The following GLP2R variants were observed in gnomAD, a reference collection of about 807,000 sequenced individuals.
The protein encoded by GLP2R is glucagon-like peptide 2 receptor.
GLP2R carries 59 observed loss-of-function variants against 68.2 expected under a neutral mutation model. That is an observed-to-expected ratio of 0.87 (90% CI 0.70 to 1.07). The LOEUF (loss-of-function observed/expected upper bound fraction) is 1.07, where lower values mean the gene tolerates loss of function less well. Ranked by LOEUF, GLP2R falls within the 50% of genes least tolerant of loss-of-function variation. GLP2R has a pLI of 0.00. For missense variants in GLP2R, 548 were observed against 677.4 expected, an observed-to-expected ratio of 0.81 and a Z score of 2.12; for synonymous variants, 270 against 265.4, an observed-to-expected ratio of 1.02 and a Z score of -0.17.
In GLP2R at chr17:9,854,600, C is replaced by T. The variant is rs760636079; in HGVS notation, c.610C>T (p.Arg204Ter). Residue 204 changes from arginine to a stop codon, truncating the protein, a stop_gained and splice_region_variant, in exon 5 of 13, where the codon CGA becomes TGA. Coordinates refer to ENST00000262441, the MANE Select transcript of GLP2R (RefSeq NM_004246.3). LOFTEE classifies it high-confidence loss of function. ...FLALTLLLFL[R>*]KLHCTRNYIH... ...GGCTCTCACCCTCCTCTTGTTTCTT[C>T]GGTGAGTAGAACTTCTGCAGGCATG... 1.2e-5 allele frequency: 19 copies of T among 1,547,872 alleles called. No individual in the cohort carries two copies. The highest frequency in any genetic ancestry group is 2.7e-5 in the African/African-American group (2 of 73,646).
At chr17:9,861,733 T>C (rs1038526416) in intron 8 of GLP2R, among the ~76,000 whole-genome samples, 1 of 152,226 alleles carries the variant, frequency 6.6e-6, no homozygotes, top group East Asian at 1.9e-4. Context: ...AAAAACTACA[T>C]AATTAGGAAT....
rs2067293847 is a variant in GLP2R at position 9,891,889 on chromosome 17, A to G, written c.*2184A>G. The G allele has an allele frequency of 6.6e-6, 1 of 152,172 alleles. No homozygotes were observed. Among genetic ancestry groups the G allele is most frequent in the Non-Finnish European group, 1.5e-5 (1 of 68,038 alleles). 9.4% of individuals were successfully genotyped at this position (152,172 alleles called of 1,614,324 possible). ...AGTGCCGGTTCAGAGCAGGTGCTCC[A>G]CACACATTCCTGGAATGAGACAGCA... is the stretch of plus-strand genomic sequence containing the variant. On this transcript the variant is annotated 3_prime_UTR_variant, in exon 13 of 13. Transcript: ENST00000262441.
intron 4 of GLP2R, among the ~76,000 whole-genome samples, chr17:9,847,874 G>T (rs538055831): frequency 6.6e-6 from 1 of 152,162 alleles, no homozygotes; most frequent in Admixed American, 6.5e-5. Flanking sequence ...TTCCATCAAG[G>T]CGCAGTGGCT....
chr17:9,838,168 T>C (rs1232888104), intron 3 of GLP2R, among the ~76,000 whole-genome samples: 1 of 152,066 alleles, frequency 6.6e-6, no homozygotes, highest in Non-Finnish European at 1.5e-5. Flanking sequence ...AGCAGCTCAG[T>C]GAGGGAAAAG....
At chr17:9,826,333 A>G in intron 1 of GLP2R, 81 bp downstream of exon 1, 1 of 906,984 alleles carries the variant, frequency 1.1e-6, no homozygotes, top group East Asian at 2.8e-5. Context: ...GCCTCATGTA[A>G]GCAATTTGGA....
intron 3 of GLP2R, among the ~76,000 whole-genome samples, chr17:9,841,371 G>T (rs1238565728): frequency 1.3e-5 from 2 of 151,952 alleles, no homozygotes; most frequent in Non-Finnish European, 2.9e-5. Context: ...CTGCTGGGTT[G>T]CCCACAGATG....
chr17:9,847,459 G>C (rs964279128), intron 4 of GLP2R, among the ~76,000 whole-genome samples: 1 of 151,968 alleles, frequency 6.6e-6, no homozygotes, highest in Non-Finnish European at 1.5e-5. Context: ...TAGTGGAGAC[G>C]GGGTTTCACC....
rs2066983315 is a variant in GLP2R at position 9,861,139 on chromosome 17, C to A, written c.926C>A (p.Ala309Asp). ...LWPRYLLLGW[A>D]FPVLFVVPWG... ...ACATTTCCCTGTGTTTTCTCCCCAG[C>A]CTTCCCTGTGCTATTTGTTGTACCC... is the stretch of plus-strand genomic sequence containing the variant. The change falls in exon 8 of 13, where the codon GCC becomes GAC. Residue 309 changes from alanine (A) to aspartate (D), a missense_variant and splice_region_variant. By Grantham distance (126) the Ala-to-Asp change is moderately radical (BLOSUM62 -2). Coordinates refer to ENST00000262441, the MANE Select transcript of GLP2R (RefSeq NM_004246.3). 1 of 1,613,162 alleles carries A rather than the reference C, an allele frequency of 6.2e-7. No homozygotes were observed. Among genetic ancestry groups the A allele is most frequent in the African/African-American group, 1.3e-5 (1 of 74,906 alleles).
At chr17:9,859,356 C>T (rs1027334584) in intron 6 of GLP2R, among the ~76,000 whole-genome samples, 8 of 152,084 alleles carry the variant, frequency 5.3e-5, no homozygotes, top group Admixed American at 1.3e-4. Context: ...GAATTTTCTA[C>T]ATTTTTGTTT....
chr17:9,878,774 G>A (rs894343351), intron 10 of GLP2R, among the ~76,000 whole-genome samples: 1 of 152,166 alleles, frequency 6.6e-6, no homozygotes, highest in African/African-American at 2.4e-5. Context: ...TGCAGACATA[G>A]GATTCATAGT....
intron 11 of GLP2R, 57 bp from the exon 12 acceptor site, chr17:9,887,875 T>C: frequency 1.5e-6 from 2 of 1,332,300 alleles, no homozygotes; most frequent in South Asian, 1.2e-5. Context: ...TGCCAGTAAC[T>C]CTCAGACACA....
At chr17:9,841,395 T>G (rs942830389) in intron 3 of GLP2R, among the ~76,000 whole-genome samples, 1 of 152,022 alleles carries the variant, frequency 6.6e-6, no homozygotes, top group Non-Finnish European at 1.5e-5. Context: ...GGGGCAGGAC[T>G]GTCAGAGGAG....
intron 11 of GLP2R, among the ~76,000 whole-genome samples, chr17:9,887,396 C>A (rs1273645332): frequency 6.6e-6 from 1 of 152,108 alleles, no homozygotes; most frequent in Non-Finnish European, 1.5e-5. Context: ...GGCGTGGTGG[C>A]GTCCGCCTGT....
At chr17:9,850,696 T>C (rs1306043521) in intron 4 of GLP2R, among the ~76,000 whole-genome samples, 1 of 139,416 alleles carries the variant, frequency 7.2e-6, no homozygotes, top group Non-Finnish European at 1.5e-5. Context: ...TTTTCACTTT[T>C]TTTTTTTTTT....
chr17:9,848,433 G>T (rs1597384843), intron 4 of GLP2R, among the ~76,000 whole-genome samples: 1 of 152,084 alleles, frequency 6.6e-6, no homozygotes, highest in Non-Finnish European at 1.5e-5. Flanking sequence ...CTGTAGGGGG[G>T]TCCAGCCATC....
chr17:9,883,501 A>G lies in GLP2R; in HGVS notation c.1284+2985A>G, dbSNP rs753900377. ...AAGAAAAATGTTAATCTACACATCC[A>G]GGAAGCTTGATGAACTCCAAAAAGC... On this transcript the variant is annotated intron_variant, in intron 11 of 12. Transcript: ENST00000262441. Among the ~76,000 whole-genome samples, 3 of 152,256 alleles carry G rather than the reference A, an allele frequency of 2.0e-5. No homozygotes were observed. The East Asian group carries it at 5.8e-4, about 29-fold the overall frequency.
chr17:9,854,600 C>G lies in GLP2R; in HGVS notation c.610C>G (p.Arg204Gly), dbSNP rs760636079. ...GGCTCTCACCCTCCTCTTGTTTCTTCGGTGAGTAGAACTTCTGCAGGCATG... is the reference window on the plus strand; with the variant it reads ...GGCTCTCACCCTCCTCTTGTTTCTTGGGTGAGTAGAACTTCTGCAGGCATG... ...FLALTLLLFL[R>G]KLHCTRNYIH... Residue 204 changes from arginine to glycine, a missense_variant and splice_region_variant, in exon 5 of 13, where the codon CGA becomes GGA. By Grantham distance (125) the Arg-to-Gly change is moderately radical (BLOSUM62 -2). Transcript: ENST00000262441. 1.9e-6 allele frequency: 3 copies of G among 1,547,990 alleles called. No individual in the cohort carries two copies. The highest frequency in any genetic ancestry group is 1.7e-5 in the Admixed American group (1 of 59,948).
chr17:9,827,736 G>A (rs1173652805), intron 1 of GLP2R, among the ~76,000 whole-genome samples: 1 of 152,144 alleles, frequency 6.6e-6, no homozygotes, highest in African/African-American at 2.4e-5. Flanking sequence ...GCTGAGGTGG[G>A]CAGATCACAA....
intron 4 of GLP2R, among the ~76,000 whole-genome samples, chr17:9,847,615 A>C (rs2066853244): frequency 6.6e-6 from 1 of 152,082 alleles, no homozygotes; most frequent in Non-Finnish European, 1.5e-5. Flanking sequence ...GGTTCCCTGA[A>C]AATTTGCCAA....
Sources: gnomAD v4.1 joint callset for allele counts (sites outside exome capture counted in the v4.1 genomes callset) on GRCh38, gnomAD v4.1.1 for gene constraint, MANE v1.5 for transcripts, NCBI Gene and HGNC (gene_info 2026-07-23, HGNC 2026-07-21) for gene names.